KCNS3: variants seen among roughly 807,000 people sequenced by gnomAD.
KCNS3 encodes potassium voltage-gated channel modifier subfamily S member 3.
In KCNS3, 13 loss-of-function variants were observed where a neutral mutation model predicts 31.0. That is an observed-to-expected ratio of 0.42 (90% CI 0.27 to 0.67). The LOEUF is 0.67. Among genes scored for constraint, KCNS3 ranks in the 30% least tolerant of loss-of-function variants. The pLI is 0.25. For synonymous variants in KCNS3, 238 were observed against 241.5 expected (o/e 0.99, Z 0.13); for missense variants, 545 against 622.4 (o/e 0.88, Z 1.32).
intron 1 of KCNS3, among the ~76,000 whole-genome samples, chr2:17,889,686 A>G (rs1661792776): frequency 6.6e-6 from 1 of 152,136 alleles, no homozygotes; most frequent in Admixed American, 6.5e-5. Context: ...TGAGATGATC[A>G]TGTGATTTTT....
At position 17,930,973 on chromosome 2, in the gene KCNS3, C is replaced by T. The variant is rs757625873; in HGVS notation, c.-36C>T. 8.2e-6 allele frequency: 13 copies of T among 1,590,730 alleles called. No homozygotes were observed. The South Asian group carries it at 1.3e-4, about 16-fold the overall frequency. ...AGGTGCAGCCTGATCTTCCTCTTCTCCCTTGCCAGCCAGCACTCTGCCTTC... is the reference window on the plus strand; with the variant it reads ...AGGTGCAGCCTGATCTTCCTCTTCTTCCTTGCCAGCCAGCACTCTGCCTTC... On this transcript the variant is annotated 5_prime_UTR_variant, in exon 3 of 3. Transcript: ENST00000304101.
At chr2:17,886,938 G>GT (rs1661677154) in intron 1 of KCNS3, among the ~76,000 whole-genome samples, 1 of 145,234 alleles carries the variant, frequency 6.9e-6, no homozygotes. Flanking sequence ...TGAGAACTTT[G>GT]TTTTTTAAGC....
At chr2:17,907,946 G>A (rs1572491906) in intron 1 of KCNS3, among the ~76,000 whole-genome samples, 1 of 152,158 alleles carries the variant, frequency 6.6e-6, no homozygotes. Context: ...TCTTGGAGTT[G>A]CTCTTCTCGA....
intron 1 of KCNS3, among the ~76,000 whole-genome samples, chr2:17,884,262 A>ATATAT (rs1553340981): frequency 1.9e-3 from 99 of 51,646 alleles, no homozygotes; most frequent in Admixed American, 4.9e-3. Flanking sequence ...TAATTAAAAA[A>ATATAT]AAAAAAATAT....
intron 2 of KCNS3, among the ~76,000 whole-genome samples, chr2:17,927,823 C>G (rs1297208623): frequency 1.3e-5 from 2 of 152,194 alleles, no homozygotes; most frequent in Non-Finnish European, 2.9e-5. Flanking sequence ...ACTCTTTCAA[C>G]CAATTGCCAA....
intron 1 of KCNS3, among the ~76,000 whole-genome samples, chr2:17,888,673 A>G (rs923940519): frequency 2.9e-5 from 4 of 135,818 alleles, no homozygotes; most frequent in Non-Finnish European, 6.4e-5. Flanking sequence ...ATATATATAT[A>G]AAGAAAAGGG....
chr2:17,907,565 T>C (rs1424150507), intron 1 of KCNS3, among the ~76,000 whole-genome samples: 1 of 152,238 alleles, frequency 6.6e-6, no homozygotes, highest in Non-Finnish European at 1.5e-5. Flanking sequence ...CGATGATCTT[T>C]ACAATTTGTC....
In KCNS3 at chr2:17,908,890, T is replaced by G. The variant is rs982054078; in HGVS notation, c.-251-8790T>G. Among the ~76,000 whole-genome samples, 4 of 152,220 alleles carry G rather than the reference T, an allele frequency of 2.6e-5. 1 individual carries two copies. Among genetic ancestry groups the G allele is most frequent in the Admixed American group, 2.6e-4 (4 of 15,286 alleles). On this transcript the variant is annotated intron_variant, in intron 1 of 2. Transcript: ENST00000304101. ...CCCCTACTGGGGGGTGCCTCCCAGA[T>G]AGGCTGCTCGGGGGTCAGGGACTCA... is the stretch of plus-strand genomic sequence containing the variant.
chr2:17,911,419 C>A (rs1356570054), intron 1 of KCNS3, among the ~76,000 whole-genome samples: 1 of 152,206 alleles, frequency 6.6e-6, no homozygotes, highest in African/African-American at 2.4e-5. Context: ...CATTTGATAT[C>A]TATCTCATTC....
intron 1 of KCNS3, among the ~76,000 whole-genome samples, chr2:17,890,154 TG>T (rs1184368495): frequency 6.6e-6 from 1 of 152,078 alleles, no homozygotes; most frequent in African/African-American, 2.4e-5. Flanking sequence ...AAGCTAGGAA[TG>T]TTGTATTTTT....
intron 1 of KCNS3, among the ~76,000 whole-genome samples, chr2:17,893,452 CG>C (rs1354805332): frequency 6.6e-6 from 1 of 152,198 alleles, no homozygotes; most frequent in Non-Finnish European, 1.5e-5. Flanking sequence ...CTTCTCGCCC[CG>C]TTCAAATTGT....
At chr2:17,888,329 GA>G (rs899061439) in intron 1 of KCNS3, among the ~76,000 whole-genome samples, 9 of 151,874 alleles carry the variant, frequency 5.9e-5, no homozygotes, top group African/African-American at 1.7e-4. Context: ...CTATCTTCTA[GA>G]ATTTTTATAA....
Position 17,932,063 on chromosome 2 carries a change from C to G in KCNS3, c.1055C>G (p.Ser352Cys). 1.9e-6 allele frequency: 3 copies of G among 1,614,140 alleles called. No homozygotes were observed. The highest frequency in any genetic ancestry group is 2.2e-5 in the East Asian group (1 of 44,862). Residue 352 changes from serine (S) to cysteine (C), a missense_variant, in exon 3 of 3, where the codon TCC becomes TGC. Transcript: ENST00000304101. Reference protein sequence around the residue: ...IYSVEKDDHTSSLTSIPICWW... With the variant: ...IYSVEKDDHTCSLTSIPICWW... ...TCCGTGGAGAAAGATGACCACACAT[C>G]CAGCCTCACCAGCATCCCCATCTGC...
intron 2 of KCNS3, among the ~76,000 whole-genome samples, chr2:17,918,788 G>T (rs1167271930): frequency 2.0e-5 from 3 of 152,210 alleles, no homozygotes; most frequent in Non-Finnish European, 4.4e-5. Context: ...ACATCATAAT[G>T]CCTTGTGATA....
intron 1 of KCNS3, chr2:17,879,557 T>C (rs12470669): frequency 0.88 from 132,259 of 150,930 alleles, 57,993 homozygotes; most frequent in East Asian, 0.98. Context: ...TTTTCGCGCC[T>C]TTCTGGGTGG....
At chr2:17,914,496 C>T (rs1662545079) in intron 1 of KCNS3, among the ~76,000 whole-genome samples, 1 of 152,180 alleles carries the variant, frequency 6.6e-6, no homozygotes, top group South Asian at 2.1e-4. Context: ...TGGGATTGGT[C>T]GTGGGAACCA....
At chr2:17,884,266 A>AT (rs1553340995) in intron 1 of KCNS3, among the ~76,000 whole-genome samples, 122 of 45,096 alleles carry the variant, frequency 2.7e-3, no homozygotes, top group East Asian at 0.01. Flanking sequence ...TAAAAAAAAA[A>AT]AAATATATAT....
At chr2:17,925,466 T>G (rs958025223) in intron 2 of KCNS3, among the ~76,000 whole-genome samples, 2 of 152,182 alleles carry the variant, frequency 1.3e-5, no homozygotes, top group Non-Finnish European at 2.9e-5. Flanking sequence ...CACGCTGCTA[T>G]AAAGACATAC....
chr2:17,886,048 A>C (rs1396251853), intron 1 of KCNS3, among the ~76,000 whole-genome samples: 1 of 152,160 alleles, frequency 6.6e-6, no homozygotes, highest in Non-Finnish European at 1.5e-5. Context: ...ACAAACAAAC[A>C]AACAGGGCCA....
Sources: allele counts gnomAD v4.1 joint callset (sites outside exome capture counted in the v4.1 genomes callset), GRCh38; gene constraint gnomAD v4.1.1; transcripts MANE v1.5; gene names NCBI Gene and HGNC (gene_info 2026-07-23, HGNC 2026-07-21).